The following KIF16B variants were observed in gnomAD, a reference collection of about 807,000 sequenced individuals.
KIF16B encodes the protein kinesin family member 16B.
Under a neutral mutation model 156.3 loss-of-function variants are expected in KIF16B, and 98 were observed. That is an observed-to-expected ratio of 0.63 (90% CI 0.53 to 0.74). KIF16B has a LOEUF of 0.74. KIF16B is among the 30% of genes least tolerant of loss of function. The probability of loss-of-function intolerance (pLI) is 0.00; values close to 1 mark genes in which losing one functional copy is unlikely to be tolerated. For missense variants in KIF16B, 1,421 were observed against 1,606.5 expected (o/e 0.88, Z 1.97); for synonymous variants, 564 against 583.7 (o/e 0.97, Z 0.49).
chr20:16,515,130 AG>A (rs1408112759), intron 4 of KIF16B, among the ~76,000 whole-genome samples: 1 of 152,038 alleles, frequency 6.6e-6, no homozygotes, highest in Non-Finnish European at 1.5e-5. Flanking sequence ...GGATTTATGT[AG>A]TACCTTTCTA....
At chr20:16,425,978 G>A (rs1482461489) in intron 15 of KIF16B, among the ~76,000 whole-genome samples, 3 of 152,148 alleles carry the variant, frequency 2.0e-5, no homozygotes, top group Non-Finnish European at 4.4e-5. Flanking sequence ...CATGGAGACA[G>A]GAGAGGGGGC....
intron 12 of KIF16B, among the ~76,000 whole-genome samples, chr20:16,445,674 G>A (rs2066913287): frequency 6.6e-6 from 1 of 152,032 alleles, no homozygotes; most frequent in Non-Finnish European, 1.5e-5. Flanking sequence ...GGCATGTCAG[G>A]GCCATTTTTA....
intron 23 of KIF16B, among the ~76,000 whole-genome samples, chr20:16,350,216 C>T (rs1053224409): frequency 6.6e-6 from 1 of 152,142 alleles, no homozygotes; most frequent in Non-Finnish European, 1.5e-5. Flanking sequence ...TTTCTTGGGT[C>T]TCTAAGTGGA....
At chr20:16,568,164 T>C (rs2071329357) in intron 1 of KIF16B, among the ~76,000 whole-genome samples, 1 of 152,080 alleles carries the variant, frequency 6.6e-6, no homozygotes, top group Non-Finnish European at 1.5e-5. Context: ...GGTGGTTTTT[T>C]TTCTTCTTTT....
At chr20:16,471,939 T>G (rs1339134377) in intron 12 of KIF16B, among the ~76,000 whole-genome samples, 1 of 152,258 alleles carries the variant, frequency 6.6e-6, no homozygotes, top group Non-Finnish European at 1.5e-5. Context: ...TTCTTACATA[T>G]AGCTGCAAAC....
At chr20:16,509,288 C>T (rs1031151290) in intron 6 of KIF16B, among the ~76,000 whole-genome samples, 3 of 152,208 alleles carry the variant, frequency 2.0e-5, no homozygotes, top group Non-Finnish European at 4.4e-5. Context: ...AATGCTGCTA[C>T]AAATCACCTT....
chr20:16,281,125 T>C (rs1437221108), intron 25 of KIF16B, among the ~76,000 whole-genome samples: 2 of 152,244 alleles, frequency 1.3e-5, no homozygotes, highest in Non-Finnish European at 2.9e-5. Flanking sequence ...TGTGAGGTCC[T>C]CTTTATTTTA....
At chr20:16,539,254 GAA>G (rs1426210447) in intron 1 of KIF16B, among the ~76,000 whole-genome samples, 1 of 152,146 alleles carries the variant, frequency 6.6e-6, no homozygotes, top group Non-Finnish European at 1.5e-5. Flanking sequence ...AGAAGATGAG[GAA>G]AAGTTCGGAA....
At chr20:16,367,012 T>A in intron 22 of KIF16B, 4 of 1,334,416 alleles carry the variant, frequency 3.0e-6, no homozygotes, top group Non-Finnish European at 3.8e-6. Flanking sequence ...ATTTTCAATT[T>A]TAGAGGTCTG....
intron 24 of KIF16B, among the ~76,000 whole-genome samples, chr20:16,317,001 G>A (rs2063708157): frequency 6.6e-6 from 1 of 152,196 alleles, no homozygotes; most frequent in African/African-American, 2.4e-5. Flanking sequence ...AAGGTTCAGA[G>A]AAGATGTGAT....
At chr20:16,565,320 C>G (rs1022309462) in intron 1 of KIF16B, among the ~76,000 whole-genome samples, 1 of 152,162 alleles carries the variant, frequency 6.6e-6, no homozygotes, top group Non-Finnish European at 1.5e-5. Context: ...GCCGTGACAT[C>G]ATCACACACC....
chr20:16,319,312 G>A (rs1206893226), intron 24 of KIF16B, among the ~76,000 whole-genome samples: 1 of 152,044 alleles, frequency 6.6e-6, no homozygotes, highest in Non-Finnish European at 1.5e-5. Context: ...TAATACTAGG[G>A]GAAACTGAGT....
chr20:16,320,765 C>T (rs1470324958), intron 24 of KIF16B, among the ~76,000 whole-genome samples: 12 of 152,208 alleles, frequency 7.9e-5, no homozygotes, highest in Admixed American at 7.2e-4. Flanking sequence ...CAGAATATAA[C>T]TTAAAAAATT....
chr20:16,549,389 CAT>C (rs1372537999), intron 1 of KIF16B, among the ~76,000 whole-genome samples: 14 of 151,910 alleles, frequency 9.2e-5, no homozygotes, highest in Non-Finnish European at 2.1e-4. Context: ...TTTATGGCTG[CAT>C]AGTATCCCAT....
intron 25 of KIF16B, among the ~76,000 whole-genome samples, chr20:16,291,599 C>G (rs759673456): frequency 1.3e-5 from 2 of 152,166 alleles, no homozygotes; most frequent in Non-Finnish European, 2.9e-5. Context: ...GAAATCTCGT[C>G]ATCTAGGGGA....
Position 16,348,341 on chromosome 20 carries a change from T to C in KIF16B, c.3621+7989A>G, listed in dbSNP as rs553850195. Among the ~76,000 whole-genome samples the C allele has an allele frequency of 7.9e-5, 12 of 152,278 alleles. 1 individual carries two copies. In the East Asian group the frequency reaches 1.9e-3, roughly 24 times the overall value. On this transcript the variant is annotated intron_variant, in intron 23 of 25. Transcript: ENST00000354981. ...GTGCACTTAGACCTGACATGAACAT[T>C]AGGTATCTTGATCTACTAACTAGCT...
intron 25 of KIF16B, among the ~76,000 whole-genome samples, chr20:16,295,656 A>T (rs1037878387): frequency 6.6e-6 from 1 of 152,106 alleles, no homozygotes; most frequent in Admixed American, 6.6e-5. Flanking sequence ...AAATAATTCA[A>T]TTAAGCGGCT....
intron 1 of KIF16B, among the ~76,000 whole-genome samples, chr20:16,543,252 C>A (rs73244221): frequency 2.0e-5 from 3 of 152,148 alleles, no homozygotes; most frequent in Admixed American, 1.3e-4. Context: ...CTGTGAGATG[C>A]TGTTTCACTA....
chr20:16,483,998 A>C (rs2068048938), intron 12 of KIF16B, among the ~76,000 whole-genome samples: 1 of 146,764 alleles, frequency 6.8e-6, no homozygotes, highest in African/African-American at 2.8e-5. Flanking sequence ...GTGTACATAA[A>C]GCACACTTCC....
Sources: allele counts gnomAD v4.1 joint callset (sites outside exome capture counted in the v4.1 genomes callset), GRCh38; gene constraint gnomAD v4.1.1; transcripts MANE v1.5; gene names NCBI Gene and HGNC (gene_info 2026-07-23, HGNC 2026-07-21).